Variants in AFAP1L2 observed in about 807,000 individuals in gnomAD.
AFAP1L2 encodes the protein actin filament associated protein 1 like 2.
AFAP1L2 carries 46 observed loss-of-function variants against 99.3 expected under a neutral mutation model. The observed-to-expected ratio is 0.46, with a 90% CI of 0.37 to 0.59. The LOEUF (loss-of-function observed/expected upper bound fraction) is 0.59. Among genes scored for constraint, AFAP1L2 ranks in the 20% least tolerant of loss-of-function variants. AFAP1L2 has a pLI of 0.00. For missense variants in AFAP1L2, 959 were observed against 1,034.9 expected (o/e 0.93, Z 1.01); for synonymous variants, 397 against 419.1 (o/e 0.95, Z 0.64).
chr10:114,307,741 G>T, intron 10 of AFAP1L2, 64 bp downstream of exon 10: 2 of 1,403,912 alleles, frequency 1.4e-6, no homozygotes, highest in Non-Finnish European at 2.0e-6. Context: ...GTCTGAGCTC[G>T]CCTTCCTGCA....
the AFAP1L2 span, among the ~76,000 whole-genome samples, chr10:114,283,692 G>C: frequency 6.6e-6 from 1 of 152,218 alleles, no homozygotes; most frequent in East Asian, 1.9e-4. Flanking sequence ...CTAAGGTTGT[G>C]ACAATGAAAT....
Position 114,333,230 on chromosome 10 carries a change from G to C in AFAP1L2, c.211C>G (p.Gln71Glu), listed in dbSNP as rs930147051. The C allele has an allele frequency of 8.1e-6, 13 of 1,613,510 alleles. No homozygotes were observed. The East Asian group carries it at 2.9e-4, about 36-fold the overall frequency. The part of the protein sequence containing the change: ...TINKQQNAES[Q>E]GKAPEEQGLL... Reference sequence around the variant, plus strand: ...GATCCCAGCCTCATACCTTTGCCTTGAGACTCTGCATTCTGTTGCTTGTTG... The same window carrying C: ...GATCCCAGCCTCATACCTTTGCCTTCAGACTCTGCATTCTGTTGCTTGTTG... The change falls in exon 3 of 19, where the codon CAA becomes GAA. Residue 71 changes from glutamine (Q) to glutamate (E), a missense_variant. Gln to Glu is a conservative substitution (Grantham distance 29). Around this residue, in one of 2 missense-constraint regions of AFAP1L2, gnomAD observed 383 missense variants for 472.8 expected, o/e 0.81. Coordinates refer to ENST00000304129, the MANE Select transcript of AFAP1L2 (RefSeq NM_001001936.3).
At chr10:114,299,567 T>C (rs1045307873) in intron 15 of AFAP1L2, 152 bp from the exon 16 acceptor site, 3 of 822,304 alleles carry the variant, frequency 3.6e-6, no homozygotes, top group East Asian at 2.6e-5. Context: ...TCTACCTCTC[T>C]GAACTTGTTT....
chr10:114,299,525 G>A (rs754907207), intron 15 of AFAP1L2, 110 bp from the exon 16 acceptor site: 6 of 1,372,822 alleles, frequency 4.4e-6, no homozygotes, highest in Non-Finnish European at 5.9e-6. Context: ...ACAAAGCCCT[G>A]CTAGGCTGGA....
At chr10:114,340,251 T>C (rs1186416253) in intron 2 of AFAP1L2, among the ~76,000 whole-genome samples, 1 of 150,984 alleles carries the variant, frequency 6.6e-6, no homozygotes, top group African/African-American at 2.4e-5. Flanking sequence ...GCCCAGGAGG[T>C]TGAGGCTACA....
intron 1 of AFAP1L2, among the ~76,000 whole-genome samples, chr10:114,349,549 C>G (rs1483069802): frequency 5.0e-5 from 4 of 80,706 alleles, no homozygotes; most frequent in Non-Finnish European, 9.9e-5. Context: ...GAGAGCTTGT[C>G]GCTTGGAAAA....
At chr10:114,318,719 C>T (rs1264679623) in intron 5 of AFAP1L2, among the ~76,000 whole-genome samples, 2 of 23,492 alleles carry the variant, frequency 8.5e-5, no homozygotes, top group African/African-American at 1.5e-4. Flanking sequence ...TCCAGCCTGG[C>T]GGCAGGGTGA....
chr10:114,291,579 G>A, downstream of AFAP1L2: 1 of 272,226 alleles, frequency 3.7e-6, no homozygotes, highest in Non-Finnish European at 6.9e-6. Flanking sequence ...AAGGGGTCCT[G>A]AAGACTTAAA....
chr10:114,284,182 A>G, the AFAP1L2 span, among the ~76,000 whole-genome samples: 1 of 152,258 alleles, frequency 6.6e-6, no homozygotes, highest in African/African-American at 2.4e-5. Context: ...GTGGTTTCCC[A>G]TGTAAACTTT....
intron 1 of AFAP1L2, among the ~76,000 whole-genome samples, chr10:114,397,267 A>G (rs989986688): frequency 1.3e-5 from 2 of 152,270 alleles, no homozygotes; most frequent in Admixed American, 6.5e-5. Context: ...GCCTTCCCCC[A>G]GTCCCAGTCC....
At chr10:114,294,609 T>C (rs1040279055), downstream of AFAP1L2, among the ~76,000 whole-genome samples, 21 of 152,222 alleles carry the variant, frequency 1.4e-4, no homozygotes, top group African/African-American at 5.1e-4. Flanking sequence ...CACTTATATA[T>C]GATCAATTTC....
At chr10:114,388,490 T>C (rs942659429) in intron 1 of AFAP1L2, among the ~76,000 whole-genome samples, 5 of 152,194 alleles carry the variant, frequency 3.3e-5, no homozygotes, top group Non-Finnish European at 5.9e-5. Flanking sequence ...GCTTTCTTTC[T>C]TCACGTTGAC....
At position 114,300,228 on chromosome 10, in the gene AFAP1L2, T is replaced by G; in HGVS notation, c.1923A>C (p.Pro641=). The change falls in exon 15 of 19, where the codon CCA becomes CCC. Residue 641 remains proline, a synonymous_variant. Coordinates refer to ENST00000304129, the MANE Select transcript of AFAP1L2 (RefSeq NM_001001936.3). ...TCACGCGCAACCTGTCCTTCACAGG[T>G]GGGCTGGCACCAGGTGGGGTGGCCA... The part of the protein sequence containing the change: ...AVVATPPGAS[P]PVKDRLRVTS... The G allele has an allele frequency of 6.2e-7, 1 of 1,614,124 alleles. No homozygotes were observed. Among genetic ancestry groups the G allele is most frequent in the Non-Finnish European group, 8.5e-7 (1 of 1,180,018 alleles).
chr10:114,289,771 T>C, the AFAP1L2 span: 1 of 475,608 alleles, frequency 2.1e-6, no homozygotes, highest in Non-Finnish European at 3.9e-6. Flanking sequence ...TTTTAGAATA[T>C]CCACAAGCTT....
the AFAP1L2 span, among the ~76,000 whole-genome samples, chr10:114,287,588 C>G: frequency 1.3e-5 from 2 of 152,186 alleles, no homozygotes; most frequent in Admixed American, 6.5e-5. Context: ...GAGAGGCTTT[C>G]CCTCCTGTAA....
intron 12 of AFAP1L2, chr10:114,301,666 C>G (rs907333287): frequency 1.7e-6 from 1 of 571,832 alleles, no homozygotes; most frequent in Non-Finnish European, 3.1e-6. Flanking sequence ...ATTCTTGGTT[C>G]GAGATTTTCC....
intron 1 of AFAP1L2, among the ~76,000 whole-genome samples, chr10:114,400,568 T>C (rs2058135122): frequency 6.6e-6 from 1 of 152,208 alleles, no homozygotes; most frequent in African/African-American, 2.4e-5. Flanking sequence ...CTGCAGGTAT[T>C]ACAAGATTTG....
intron 4 of AFAP1L2, among the ~76,000 whole-genome samples, chr10:114,329,658 A>G (rs559984928): frequency 1.3e-5 from 2 of 152,332 alleles, no homozygotes; most frequent in Non-Finnish European, 2.9e-5. Context: ...CCATCAGCCA[A>G]TGGATGGGAC....
At chr10:114,393,434 G>C (rs1197722695) in intron 1 of AFAP1L2, 2 of 152,144 alleles carry the variant, frequency 1.3e-5, no homozygotes, top group African/African-American at 2.4e-5. Flanking sequence ...CAATAAACAT[G>C]CTCGTGGCTC....
Sources: gnomAD v4.1 joint callset for allele counts (sites outside exome capture counted in the v4.1 genomes callset) on GRCh38, gnomAD v4.1.1 for gene constraint, gnomAD v4.1.1 regional missense constraint, MANE v1.5 for transcripts, NCBI Gene and HGNC (gene_info 2026-07-23, HGNC 2026-07-21) for gene names.